ATP13A2: variants seen among roughly 807,000 people sequenced by gnomAD.
The protein encoded by ATP13A2 is polyamine-transporting ATPase 13A2.
A neutral mutation model predicts 138.3 loss-of-function variants in ATP13A2; 83 were observed. The ratio of observed to expected loss-of-function variants is 0.60; its 90% confidence interval spans 0.50 to 0.72. ATP13A2 has a LOEUF of 0.72. ATP13A2 is among the 30% of genes least tolerant of loss of function. The pLI is 0.00. For synonymous variants in ATP13A2, 663 were observed against 699.0 expected (o/e 0.95, Z 0.81); for missense variants, 1,402 against 1,606.4 (o/e 0.87, Z 2.17).
Position 16,986,387 on chromosome 1 carries a change from C to G in ATP13A2, c.3406-29G>C. 1 of 1,590,910 alleles carries G rather than the reference C, an allele frequency of 6.3e-7. No homozygotes were observed. Among genetic ancestry groups the G allele is most frequent in the Non-Finnish European group, 8.5e-7 (1 of 1,171,842 alleles). ...CAAAGGGCAGGGAGGGTGTCAGGGGCAGCCGGGGCTGAGCTGGGGTCAATG... is the reference window on the plus strand; with the variant it reads ...CAAAGGGCAGGGAGGGTGTCAGGGGGAGCCGGGGCTGAGCTGGGGTCAATG... On this transcript the variant is annotated intron_variant, in intron 28 of 28. Coordinates refer to ENST00000326735, the MANE Select transcript of ATP13A2 (RefSeq NM_022089.4). The surrounding 1 kb of genome is among the most constrained non-coding windows in gnomAD (Gnocchi z 6.9).
At chr1:16,994,197 CATTTATTTATTT>C (rs573179357) in intron 15 of ATP13A2, among the ~76,000 whole-genome samples, 2 of 147,312 alleles carry the variant, frequency 1.4e-5, no homozygotes, top group South Asian at 2.2e-4. Flanking sequence ...CTCTCTCTCT[CATTTATTTATTT>C]ATTTATTTAT....
intron 25 of ATP13A2, 120 bp downstream of exon 25, chr1:16,988,018 G>T: frequency 1.1e-6 from 1 of 924,236 alleles, no homozygotes; most frequent in East Asian, 2.5e-5. Context: ...CCGGAGAGTG[G>T]CAGGGTCAGG....
chr1:17,010,638 T>C (rs2077750511), intron 1 of ATP13A2, among the ~76,000 whole-genome samples: 1 of 152,104 alleles, frequency 6.6e-6, no homozygotes, highest in Non-Finnish European at 1.5e-5. Context: ...CCATGAAAAG[T>C]ACAGATTAGG....
chr1:17,007,713 G>A (rs1039537205), intron 1 of ATP13A2, among the ~76,000 whole-genome samples: 4 of 151,844 alleles, frequency 2.6e-5, no homozygotes, highest in African/African-American at 4.8e-5. Flanking sequence ...CACCACGCCC[G>A]GCTAATTTTT....
Position 16,986,804 on chromosome 1 carries a change from C to A in ATP13A2, c.3235+1G>T. Reference sequence around the variant, plus strand: ...TCTCCCGCCCGCGCCCGCAGTGGCACCATTGGTGTAGAGCGGCCGGCGGAA... The same window carrying A: ...TCTCCCGCCCGCGCCCGCAGTGGCAACATTGGTGTAGAGCGGCCGGCGGAA... On this transcript the variant is annotated splice_donor_variant, in intron 27 of 28. Coordinates refer to ENST00000326735, the MANE Select transcript of ATP13A2 (RefSeq NM_022089.4). LOFTEE classifies it high-confidence loss of function. This position sits in a 1 kb window ranked among gnomAD's most constrained non-coding sequence, Gnocchi z 6.9. 6.2e-7 allele frequency: 1 copy of A among 1,613,026 alleles called. No individual in the cohort carries two copies. Among genetic ancestry groups the A allele is most frequent in the Non-Finnish European group, 8.5e-7 (1 of 1,179,778 alleles).
chr1:17,002,268 G>A (rs754475727), intron 7 of ATP13A2, 28 bp downstream of exon 7: 2 of 1,609,754 alleles, frequency 1.2e-6, no homozygotes, highest in Admixed American at 3.4e-5. Flanking sequence ...CCAGTTCTCA[G>A]GGCACCCCGG....
intron 20 of ATP13A2, among the ~76,000 whole-genome samples, chr1:16,991,139 C>CG (rs2076914848): frequency 2.6e-5 from 4 of 151,662 alleles, no homozygotes; most frequent in Admixed American, 2.6e-4. Flanking sequence ...TTAGTAGAGA[C>CG]GGGGTTTCAC....
intron 18 of ATP13A2, 32 bp from the exon 19 acceptor site, chr1:16,992,161 G>T: frequency 6.2e-7 from 1 of 1,611,984 alleles, no homozygotes; most frequent in Non-Finnish European, 8.5e-7. Flanking sequence ...CACAAGGAGG[G>T]GATGGCAGGG....
intron 1 of ATP13A2, among the ~76,000 whole-genome samples, chr1:17,007,310 G>A (rs988656105): frequency 1.3e-5 from 2 of 152,168 alleles, no homozygotes; most frequent in Non-Finnish European, 2.9e-5. Context: ...CTCTGTCAGG[G>A]TTCATCTACG....
At position 16,986,105 on chromosome 1, in the gene ATP13A2, G is replaced by A. The variant is rs1429441303; in HGVS notation, c.*116C>T. ...GGGGTGGTCTCGGGGGAGGAGTGTA[G>A]ACAGTCGCCAACCTCAGGGATGTGG... On this transcript the variant is annotated 3_prime_UTR_variant, in exon 29 of 29. Coordinates refer to ENST00000326735, the MANE Select transcript of ATP13A2 (RefSeq NM_022089.4). The surrounding 1 kb of genome is among the most constrained non-coding windows in gnomAD (Gnocchi z 6.9). The A allele has an allele frequency of 6.4e-7, 1 of 1,574,546 alleles. No individual in the cohort carries two copies. Among genetic ancestry groups the A allele is most frequent in the East Asian group, 2.3e-5 (1 of 43,430 alleles).
At position 16,986,311 on chromosome 1, in the gene ATP13A2, G is replaced by A. The variant is rs199775291; in HGVS notation, c.3453C>T (p.Pro1151=). Residue 1151 remains proline, a synonymous_variant, in exon 29 of 29, where the codon CCC becomes CCT. Transcript: ENST00000326735. The surrounding 1 kb of genome is among the most constrained non-coding windows in gnomAD (Gnocchi z 6.9). ...CLPACLRRLR[P]KRASKKRFKQ... ...TGAAGCGCTTCTTGGAGGCCCGCTTGGGCCGGAGGCGGCGCAGGCAGGCGG... is the reference window on the plus strand; with the variant it reads ...TGAAGCGCTTCTTGGAGGCCCGCTTAGGCCGGAGGCGGCGCAGGCAGGCGG... 1.9e-6 allele frequency: 3 copies of A among 1,592,950 alleles called. No homozygotes were observed. The highest frequency in any genetic ancestry group is 2.6e-6 in the Non-Finnish European group (3 of 1,171,028).
rs536263267 is a variant in ATP13A2 at position 17,004,487 on chromosome 1, A to C, written c.478-76T>G. On this transcript the variant is annotated intron_variant, in intron 5 of 28. Coordinates refer to ENST00000326735, the MANE Select transcript of ATP13A2 (RefSeq NM_022089.4). This position sits in a 1 kb window ranked among gnomAD's most constrained non-coding sequence, Gnocchi z 4.1. ...AGCAGTGTGCTTATGCTGGGAGCCG[A>C]GGGATGGGGGTAGGGGGCAGGGACT... 2 of 1,574,960 alleles carry C rather than the reference A, an allele frequency of 1.3e-6. No homozygotes were observed. Among genetic ancestry groups the C allele is most frequent in the African/African-American group, 1.4e-5 (1 of 73,892 alleles).
At chr1:16,997,971 C>T (rs2077205187) in intron 11 of ATP13A2, among the ~76,000 whole-genome samples, 1 of 152,156 alleles carries the variant, frequency 6.6e-6, no homozygotes, top group Non-Finnish European at 1.5e-5. Flanking sequence ...ACTGCATGCT[C>T]GCCATGGCCC....
Position 16,987,150 on chromosome 1 carries a change from C to T in ATP13A2, c.2979G>A (p.Pro993=), listed in dbSNP as rs750149700. The T allele has an allele frequency of 3.6e-5, 58 of 1,613,106 alleles. No individual in the cohort carries two copies. The highest frequency in any genetic ancestry group is 2.9e-5 in the Non-Finnish European group (34 of 1,179,638). Residue 993 remains proline, a synonymous_variant, in exon 26 of 29, where the codon CCG becomes CCA. Coordinates refer to ENST00000326735, the MANE Select transcript of ATP13A2 (RefSeq NM_022089.4). ...PALVLGRVRP[P]GALLSVPVLS... is the part of the protein sequence containing the mutation. ...GCACGGGCACGCTGAGCAGCGCCCC[C>T]GGTGGCCGCACCCGTCCCAGGACCA...
In ATP13A2 at chr1:17,004,634, A is replaced by G. The variant is rs775402784; in HGVS notation, c.477+58T>C. The G allele has an allele frequency of 4.2e-5, 67 of 1,613,636 alleles. No individual in the cohort carries two copies. Among genetic ancestry groups the G allele is most frequent in the Non-Finnish European group, 5.3e-5 (63 of 1,180,006 alleles). ...GGAGAACATGAAGTCTGACTCTCCC[A>G]TTGCACAGATCATGAAACCGAGGCC... On this transcript the variant is annotated intron_variant, in intron 5 of 28. Coordinates refer to ENST00000326735, the MANE Select transcript of ATP13A2 (RefSeq NM_022089.4). This position sits in a 1 kb window ranked among gnomAD's most constrained non-coding sequence, Gnocchi z 4.1.
chr1:16,990,310 A>AGG lies in ATP13A2; in HGVS notation c.2252-25_2252-24dup, dbSNP rs771691843. On this transcript the variant is annotated intron_variant, in intron 20 of 28. Transcript: ENST00000326735. The stretch of plus-strand genomic sequence containing the variant: ...CCCCTGGGGGTTATGGGGCAAGGTG[A>AGG]GGGTCTGAGGCTATCCGGGGAGGCC... 261 of 1,613,562 alleles carry AGG rather than the reference A, an allele frequency of 1.6e-4. 1 individual carries two copies. The African/African-American group carries it at 3.3e-3, about 20-fold the overall frequency.
chr1:17,005,771 G>A lies in ATP13A2; in HGVS notation c.18C>T (p.Ser6=). The change falls in exon 2 of 29, where the codon AGC becomes AGT. Residue 6 remains serine, a synonymous_variant. Coordinates refer to ENST00000326735, the MANE Select transcript of ATP13A2 (RefSeq NM_022089.4). MSADS[S]PLVGSTPTGY... ...CGGTGGGCGTGCTGCCCACGAGAGGGCTGCTGTCTGTGGACAGAAAAGAGA... is the reference window on the plus strand; with the variant it reads ...CGGTGGGCGTGCTGCCCACGAGAGGACTGCTGTCTGTGGACAGAAAAGAGA... 6.2e-7 allele frequency: 1 copy of A among 1,610,360 alleles called. No individual in the cohort carries two copies. The highest frequency in any genetic ancestry group is 8.5e-7 in the Non-Finnish European group (1 of 1,178,336).
chr1:17,000,371 C>G, intron 9 of ATP13A2, 29 bp downstream of exon 9: 1 of 1,599,914 alleles, frequency 6.3e-7, no homozygotes, highest in Non-Finnish European at 8.5e-7. Context: ...ACCCACCTGT[C>G]CCGTCCCCAC....
At chr1:16,996,649 C>G (rs973353229) in intron 12 of ATP13A2, 153 bp from the exon 13 acceptor site, 2 of 674,252 alleles carry the variant, frequency 3.0e-6, no homozygotes, top group Non-Finnish European at 5.3e-6. Flanking sequence ...AGGTCTGGCC[C>G]GGCTCTTGTA....
Sources: gnomAD v4.1 joint callset for allele counts (sites outside exome capture counted in the v4.1 genomes callset) on GRCh38, gnomAD v4.1.1 for gene constraint, Gnocchi (gnomAD v3.1) non-coding constraint, MANE v1.5 for transcripts, NCBI Gene and HGNC (gene_info 2026-07-23, HGNC 2026-07-21) for gene names.